NRG3: variants seen among roughly 807,000 people sequenced by gnomAD.
The protein encoded by NRG3 is neuregulin 3, also known as pro-neuregulin-3, membrane-bound isoform.
Under a neutral mutation model 66.9 loss-of-function variants are expected in NRG3, and 31 were observed. The ratio of observed to expected loss-of-function variants is 0.46; its 90% CI spans 0.35 to 0.63. The LOEUF is 0.63. Among genes scored for constraint, NRG3 ranks in the 20% least tolerant of loss-of-function variants. NRG3 has a pLI of 0.00. For missense variants in NRG3, 910 were observed against 878.9 expected, an observed-to-expected ratio of 1.04 and a Z score of -0.45; for synonymous variants, 393 against 359.4, an observed-to-expected ratio of 1.09 and a Z score of -1.06.
intron 2 of NRG3, among the ~76,000 whole-genome samples, chr10:82,616,223 G>A (rs1327082040): frequency 1.3e-5 from 2 of 152,182 alleles, no homozygotes; most frequent in East Asian, 1.9e-4. Context: ...ATTATGTTAT[G>A]TCCTATCACT....
chr10:82,895,483 A>ATT (rs1159694035), intron 4 of NRG3, among the ~76,000 whole-genome samples: 2 of 106,446 alleles, frequency 1.9e-5, no homozygotes, highest in Non-Finnish European at 3.8e-5. Context: ...GCACAATAAC[A>ATT]TTCTTTTTTT....
chr10:82,686,077 A>G (rs991597510), intron 2 of NRG3, among the ~76,000 whole-genome samples: 5 of 152,216 alleles, frequency 3.3e-5, no homozygotes, highest in Non-Finnish European at 7.3e-5. Context: ...TAAAACAACC[A>G]TAAAAATTAT....
intron 2 of NRG3, among the ~76,000 whole-genome samples, chr10:82,466,970 G>T (rs1037108372): frequency 6.6e-6 from 1 of 151,960 alleles, no homozygotes; most frequent in African/African-American, 2.4e-5. Flanking sequence ...GCGAAGGCGG[G>T]TGGACAGGGA....
intron 4 of NRG3, among the ~76,000 whole-genome samples, chr10:82,944,179 C>T (rs1436642914): frequency 6.6e-6 from 1 of 152,144 alleles, no homozygotes; most frequent in Non-Finnish European, 1.5e-5. Flanking sequence ...GATTTAAACT[C>T]AGAACCTTTT....
At chr10:82,784,970 G>T (rs528606614) in intron 3 of NRG3, among the ~76,000 whole-genome samples, 148 of 152,242 alleles carry the variant, frequency 9.7e-4, no homozygotes, top group African/African-American at 3.4e-3. Context: ...GTCCGACAAT[G>T]GTAGACTGGA....
At chr10:82,009,148 T>G (rs764234312) in intron 1 of NRG3, among the ~76,000 whole-genome samples, 28 of 152,198 alleles carry the variant, frequency 1.8e-4, no homozygotes, top group Admixed American at 5.9e-4. Context: ...CAATGATTCT[T>G]GGATAAAAGG....
intron 1 of NRG3, among the ~76,000 whole-genome samples, chr10:82,202,063 T>C (rs1022782697): frequency 1.3e-5 from 2 of 152,180 alleles, no homozygotes; most frequent in Non-Finnish European, 2.9e-5. Flanking sequence ...CAGATACTTA[T>C]TATTGTTTTC....
At chr10:82,787,983 G>A (rs1159249401) in intron 3 of NRG3, among the ~76,000 whole-genome samples, 3 of 152,110 alleles carry the variant, frequency 2.0e-5, no homozygotes, top group African/African-American at 7.2e-5. Context: ...CTCATCAAAT[G>A]AAAAAGAATA....
intron 2 of NRG3, among the ~76,000 whole-genome samples, chr10:82,508,779 G>A (rs1415406498): frequency 6.6e-6 from 1 of 152,118 alleles, no homozygotes; most frequent in Non-Finnish European, 1.5e-5. Context: ...ACTCTTCCAG[G>A]CAAATCAGTA....
intron 2 of NRG3, among the ~76,000 whole-genome samples, chr10:82,574,429 A>G (rs1270045402): frequency 6.6e-6 from 1 of 151,844 alleles, no homozygotes; most frequent in Non-Finnish European, 1.5e-5. Context: ...GGGTACAAAC[A>G]TACAGTTAGA....
chr10:82,347,692 G>T (rs962283474), intron 1 of NRG3, among the ~76,000 whole-genome samples: 2 of 152,142 alleles, frequency 1.3e-5, no homozygotes, highest in Non-Finnish European at 2.9e-5. Context: ...TTATTATTGT[G>T]TGGGAGTCTA....
chr10:81,993,895 T>C (rs2060835034), intron 1 of NRG3, among the ~76,000 whole-genome samples: 1 of 152,186 alleles, frequency 6.6e-6, no homozygotes, highest in South Asian at 2.1e-4. Flanking sequence ...TATAGCAGAT[T>C]GAACCCCTCT....
chr10:82,719,362 C>G (rs958503181), intron 2 of NRG3, among the ~76,000 whole-genome samples: 5 of 152,148 alleles, frequency 3.3e-5, no homozygotes, highest in Admixed American at 2.6e-4. Flanking sequence ...TGTTTATGTT[C>G]TATAGATAAA....
chr10:82,820,593 G>T (rs1291112401), intron 3 of NRG3, among the ~76,000 whole-genome samples: 4 of 152,120 alleles, frequency 2.6e-5, no homozygotes, highest in Non-Finnish European at 5.9e-5. Context: ...TTAATCAATT[G>T]AAACTACTTT....
intron 1 of NRG3, among the ~76,000 whole-genome samples, chr10:82,351,904 A>G (rs1206704549): frequency 6.6e-6 from 1 of 152,228 alleles, no homozygotes; most frequent in Non-Finnish European, 1.5e-5. Flanking sequence ...GTCCTCCAGC[A>G]TATTGGATTT....
At chr10:81,945,142 A>T (rs547784789) in intron 1 of NRG3, among the ~76,000 whole-genome samples, 1 of 151,714 alleles carries the variant, frequency 6.6e-6, no homozygotes, top group African/African-American at 2.4e-5. Context: ...TGAATATCTC[A>T]CTTGTCACAA....
chr10:82,343,421 C>A (rs532812609), intron 1 of NRG3, among the ~76,000 whole-genome samples: 1 of 152,206 alleles, frequency 6.6e-6, no homozygotes, highest in Non-Finnish European at 1.5e-5. Context: ...AAAATCACCC[C>A]ATGCTCATGG....
At chr10:82,898,013 C>T (rs1328686620) in intron 4 of NRG3, among the ~76,000 whole-genome samples, 2 of 152,168 alleles carry the variant, frequency 1.3e-5, no homozygotes, top group African/African-American at 4.8e-5. Flanking sequence ...ACTAGGGACC[C>T]TTCCAACTTC....
chr10:81,878,179 C>G, intron 1 of NRG3: 1 of 1,213,228 alleles, frequency 8.2e-7, no homozygotes, highest in South Asian at 1.6e-5. Flanking sequence ...TGATTATTGA[C>G]AGGGCCCTCA....
Sources: gnomAD v4.1 joint callset for allele counts (sites outside exome capture counted in the v4.1 genomes callset) on GRCh38, gnomAD v4.1.1 for gene constraint, MANE v1.5 for transcripts, NCBI Gene and HGNC (gene_info 2026-07-23, HGNC 2026-07-21) for gene names.